Variants in SUFU observed in about 807,000 individuals in gnomAD.
The protein encoded by SUFU is SUFU negative regulator of hedgehog signaling, also known as suppressor of fused homolog.
SUFU carries 7 observed loss-of-function variants against 58.9 expected under a neutral mutation model. That is an observed-to-expected ratio of 0.12 (90% CI 0.07 to 0.22). SUFU has a LOEUF of 0.22. Ranked by LOEUF, SUFU falls within the 10% of genes least tolerant of loss-of-function variation. The pLI is 1.00. For synonymous variants in SUFU, 232 were observed against 254.8 expected, an observed-to-expected ratio of 0.91 and a Z score of 0.85; for missense variants, 451 against 641.3, an observed-to-expected ratio of 0.70 and a Z score of 3.20.
rs550503397 is a variant in SUFU, at chr10:102,515,517, T to C, written c.317+6214T>C. Among the ~76,000 whole-genome samples the C allele has an allele frequency of 2.6e-5, 4 of 152,252 alleles. No individual in the cohort carries two copies. The South Asian group carries it at 6.2e-4, about 24-fold the overall frequency. On this transcript the variant is annotated intron_variant, in intron 2 of 11. Coordinates refer to ENST00000369902, the MANE Select transcript of SUFU (RefSeq NM_016169.4). The stretch of plus-strand genomic sequence containing the variant: ...TTTTAGTAGAGACGGGGTTTCACCA[T>C]GTTGGCCGGGCTGGTCTCGAACTCC...
chr10:102,563,801 C>T (rs574549035), intron 3 of SUFU, among the ~76,000 whole-genome samples: 16 of 149,404 alleles, frequency 1.1e-4, no homozygotes, highest in East Asian at 3.9e-4. Context: ...TTAAGATGTA[C>T]TTGGATTTGA....
chr10:102,568,513 T>C (rs183038355), intron 3 of SUFU, among the ~76,000 whole-genome samples: 7 of 152,300 alleles, frequency 4.6e-5, no homozygotes, highest in African/African-American at 1.7e-4. Flanking sequence ...GCAGTTGTAC[T>C]AAGTACTGTA....
chr10:102,513,646 C>G (rs1396015025), intron 2 of SUFU, among the ~76,000 whole-genome samples: 3 of 152,170 alleles, frequency 2.0e-5, no homozygotes, highest in East Asian at 3.8e-4. Flanking sequence ...TGCTGAATTG[C>G]TAGAGGCTGC....
intron 2 of SUFU, among the ~76,000 whole-genome samples, chr10:102,521,087 T>C (rs939076000): frequency 2.6e-5 from 4 of 152,226 alleles, no homozygotes; most frequent in African/African-American, 9.6e-5. Context: ...TCATTCCCAC[T>C]AGCAATGAAT....
chr10:102,613,546 G>A (rs1388597515), intron 8 of SUFU, among the ~76,000 whole-genome samples: 4 of 152,240 alleles, frequency 2.6e-5, no homozygotes, highest in Non-Finnish European at 4.4e-5. Context: ...GCCCCGCAAC[G>A]TGTGAGGAGG....
chr10:102,555,617 G>A (rs1423020641), intron 3 of SUFU, among the ~76,000 whole-genome samples: 5 of 152,134 alleles, frequency 3.3e-5, no homozygotes, highest in African/African-American at 7.2e-5. Flanking sequence ...TTCTAAGTCC[G>A]GTAGAGCCTA....
At chr10:102,616,420 A>G (rs1403324051) in intron 9 of SUFU, among the ~76,000 whole-genome samples, 1 of 152,224 alleles carries the variant, frequency 6.6e-6, no homozygotes, top group East Asian at 1.9e-4. Flanking sequence ...AAGGGTAACT[A>G]GCCTTGGCCA....
intron 3 of SUFU, among the ~76,000 whole-genome samples, chr10:102,578,168 C>T (rs1336741504): frequency 1.4e-5 from 2 of 144,592 alleles, no homozygotes. Flanking sequence ...ATTAGCTGGG[C>T]GTGGTGGTGG....
At chr10:102,517,892 C>A (rs548227235) in intron 2 of SUFU, among the ~76,000 whole-genome samples, 1 of 152,238 alleles carries the variant, frequency 6.6e-6, no homozygotes. Context: ...GAACATTGGA[C>A]AAGATGATGT....
At chr10:102,536,877 C>T (rs956876567) in intron 2 of SUFU, among the ~76,000 whole-genome samples, 2 of 151,996 alleles carry the variant, frequency 1.3e-5, no homozygotes, top group African/African-American at 4.8e-5. Context: ...GTGGTGTGAT[C>T]TTAGCTCACG....
intron 3 of SUFU, among the ~76,000 whole-genome samples, chr10:102,551,210 C>A (rs1376327951): frequency 6.6e-6 from 1 of 152,224 alleles, no homozygotes; most frequent in Non-Finnish European, 1.5e-5. Context: ...GAACAGTCCC[C>A]TCATGGAGGC....
At chr10:102,525,082 C>G (rs778515272) in intron 2 of SUFU, among the ~76,000 whole-genome samples, 1 of 152,148 alleles carries the variant, frequency 6.6e-6, no homozygotes, top group Non-Finnish European at 1.5e-5. Flanking sequence ...GAAAAATTGT[C>G]TGAACCTTGC....
intron 3 of SUFU, among the ~76,000 whole-genome samples, chr10:102,563,518 T>C (rs2063059364): frequency 6.6e-6 from 1 of 151,884 alleles, no homozygotes; most frequent in East Asian, 1.9e-4. Context: ...TACGAAAGCA[T>C]GTTAAGGGCT....
At chr10:102,541,875 ATTT>A (rs58231037) in intron 2 of SUFU, among the ~76,000 whole-genome samples, 34 of 86,512 alleles carry the variant, frequency 3.9e-4, no homozygotes, top group South Asian at 1.3e-3. Flanking sequence ...TGCCCGGCTA[ATTT>A]TTTTTTTTTT....
intron 3 of SUFU, among the ~76,000 whole-genome samples, chr10:102,559,452 G>A (rs887114127): frequency 6.6e-6 from 1 of 152,222 alleles, no homozygotes; most frequent in African/African-American, 2.4e-5. Flanking sequence ...GGAAGAGAAT[G>A]TTCCAGTCAC....
chr10:102,522,094 T>C (rs1364279211), intron 2 of SUFU, among the ~76,000 whole-genome samples: 1 of 152,252 alleles, frequency 6.6e-6, no homozygotes, highest in Non-Finnish European at 1.5e-5. Flanking sequence ...TGCTACCTGC[T>C]TAACGCTGTT....
intron 8 of SUFU, among the ~76,000 whole-genome samples, chr10:102,612,932 T>C (rs1452556454): frequency 6.6e-6 from 1 of 151,974 alleles, no homozygotes; most frequent in Admixed American, 6.6e-5. Flanking sequence ...TGGCGCAGAG[T>C]AAGGGCTCAG....
In SUFU at chr10:102,617,310, G is replaced by A. The variant is rs1055194219; in HGVS notation, c.1178G>A (p.Arg393Gln). The A allele has an allele frequency of 1.2e-6, 2 of 1,614,052 alleles. No individual in the cohort carries two copies. Among genetic ancestry groups the A allele is most frequent in the African/African-American group, 1.3e-5 (1 of 74,920 alleles). The change falls in exon 10 of 12, where the codon CGG becomes CAG. Residue 393 changes from arginine (R) to glutamine (Q), a missense_variant. By Grantham distance (43) the Arg-to-Gln change is conservative. Coordinates refer to ENST00000369902, the MANE Select transcript of SUFU (RefSeq NM_016169.4). This position sits in a 1 kb window ranked among gnomAD's most constrained non-coding sequence, Gnocchi z 4.4. ...LCLRGRLLHG[R>Q]HFTYKSITGD... is the part of the protein sequence containing the mutation. ...TCCAGGGGCAGGCTCCTGCATGGACGGCACTTTACATATAAAAGTATCACA... is the reference window on the plus strand; with the variant it reads ...TCCAGGGGCAGGCTCCTGCATGGACAGCACTTTACATATAAAAGTATCACA...
intron 3 of SUFU, among the ~76,000 whole-genome samples, chr10:102,580,938 C>G (rs1020714533): frequency 6.6e-6 from 1 of 151,880 alleles, no homozygotes; most frequent in African/African-American, 2.4e-5. Flanking sequence ...TCCCAGCACT[C>G]TGGGAGGCCG....
Sources: allele counts gnomAD v4.1 joint callset (sites outside exome capture counted in the v4.1 genomes callset), GRCh38; gene constraint gnomAD v4.1.1; non-coding constraint Gnocchi (gnomAD v3.1); transcripts MANE v1.5; gene names NCBI Gene and HGNC (gene_info 2026-07-23, HGNC 2026-07-21).